MROH2A: variants seen among roughly 807,000 people sequenced by gnomAD.
MROH2A encodes maestro heat like repeat family member 2A, also known as maestro heat-like repeat-containing protein family member 2A.
MROH2A carries 174 observed loss-of-function variants against 200.4 expected under a neutral mutation model. The observed-to-expected ratio is 0.87, with a 90% confidence interval of 0.77 to 0.98. The LOEUF is 0.98. Ranked by LOEUF, MROH2A falls within the 50% of genes least tolerant of loss-of-function variation. The probability of loss-of-function intolerance (pLI) is 0.00; values close to 1 mark genes in which losing one functional copy is unlikely to be tolerated. For missense variants in MROH2A, 2,045 were observed against 2,139.6 expected, an observed-to-expected ratio of 0.96 and a Z score of 0.87; for synonymous variants, 829 against 840.4, an observed-to-expected ratio of 0.99 and a Z score of 0.23.
chr2:233,800,002 C>T lies in MROH2A; in HGVS notation c.1449+103C>T, dbSNP rs112734239. The T allele has an allele frequency of 2.4e-5, 35 of 1,431,178 alleles. 1 individual carries two copies. The highest frequency in any genetic ancestry group is 1.8e-4 in the African/African-American group (13 of 70,652). 88.7% of individuals were successfully genotyped at this position (1,431,178 alleles called of 1,614,324 possible). A position where few individuals can be genotyped will look rare whatever the true frequency, so the allele number is the denominator to read the frequency against. ...CTCAGCGTACCTGTGTTCAAACCTG[C>T]GTATCCATTCATGACAGGAGTTCAT... On this transcript the variant is annotated intron_variant, in intron 13 of 41. Transcript: ENST00000389758.
In MROH2A at chr2:233,818,066, C is replaced by A. The variant is rs541006233; in HGVS notation, c.3026C>A (p.Ala1009Asp). The A allele has an allele frequency of 4.8e-5, 75 of 1,550,998 alleles. No individual in the cohort carries two copies. In the African/African-American group the frequency reaches 9.3e-4, roughly 19 times the overall value. The change falls in exon 28 of 42, where the codon GCC (alanine) becomes GAC (aspartate). Residue 1009 changes from alanine (A) to aspartate (D), a missense_variant. Around this residue, in one of 3 missense-constraint regions of MROH2A, gnomAD observed 1,201 missense variants for 1,311.3 expected, o/e 0.92. Transcript: ENST00000389758. ...CTCATTGCCCCGTGCACCTGTGATG[C>A]CCATCAAAGAACCCGCATGGCCTCA... The part of the protein sequence containing the change: ...VGLIAPCTCD[A>D]HQRTRMASMN...
rs1194394000 is a variant in MROH2A, at chr2:233,802,181, G to A, written c.1574G>A (p.Arg525Lys). Residue 525 changes from arginine (R) to lysine (K), a missense_variant, in exon 15 of 42, where the codon AGG (arginine) becomes AAG (lysine). This residue lies in a region of MROH2A where 831 missense variants were observed against 800.0 expected (regional missense o/e 1.04). Coordinates refer to ENST00000389758, the MANE Select transcript of MROH2A (RefSeq NM_001394639.1). ...VSGMTTEFWV[R>K]LLCYIMETDY... ...CCCCTACCCCAGGAGTTTTGGGTGA[G>A]GCTGCTGTGCTACATCATGGAGACA... 7.1e-6 allele frequency: 11 copies of A among 1,549,128 alleles called. No homozygotes were observed. Among genetic ancestry groups the A allele is most frequent in the Non-Finnish European group, 9.6e-6 (11 of 1,146,116 alleles).
At chr2:233,798,173 C>T (rs942718010) in intron 11 of MROH2A, among the ~76,000 whole-genome samples, 2 of 152,204 alleles carry the variant, frequency 1.3e-5, no homozygotes, top group Admixed American at 1.3e-4. Flanking sequence ...TCTTGCCCCT[C>T]TTAAGCTTCC....
chr2:233,798,830 A>G lies in MROH2A; in HGVS notation c.1309A>G (p.Ile437Val), dbSNP rs568433675. The change falls in exon 12 of 42, where the codon ATC becomes GTC. Residue 437 changes from isoleucine to valine, a missense_variant. Transcript: ENST00000389758. ...GGCTATCCGGGTAGTCAAGAACACC[A>G]TCTCTGATACCCGGTCCAAGGTAAC... is the stretch of plus-strand genomic sequence containing the variant. ...YLAIRVVKNT[I>V]SDTRSKVRMA... 6.4e-7 allele frequency: 1 copy of G among 1,550,398 alleles called. No homozygotes were observed. Among genetic ancestry groups the G allele is most frequent in the East Asian group, 2.4e-5 (1 of 40,912 alleles).
chr2:233,807,674 G>A lies in MROH2A; in HGVS notation c.2173-59G>A. ...TGTGTGCCTTGCACGTGTGTGTGTGGGATCCTCCTCTGCCCACTGGCCCCT... is the reference window on the plus strand; with the variant it reads ...TGTGTGCCTTGCACGTGTGTGTGTGAGATCCTCCTCTGCCCACTGGCCCCT... On this transcript the variant is annotated intron_variant, in intron 20 of 41. Transcript: ENST00000389758. This position sits in a 1 kb window ranked among gnomAD's most constrained non-coding sequence, Gnocchi z 4.3. The A allele has an allele frequency of 1.3e-6, 2 of 1,549,184 alleles. No individual in the cohort carries two copies. Among genetic ancestry groups the A allele is most frequent in the Admixed American group, 2.0e-5 (1 of 50,970 alleles).
In MROH2A at chr2:233,819,835, C is replaced by A. The variant is rs1703813823; in HGVS notation, c.3358-67C>A. On this transcript the variant is annotated intron_variant, in intron 30 of 41. Coordinates refer to ENST00000389758, the MANE Select transcript of MROH2A (RefSeq NM_001394639.1). The stretch of plus-strand genomic sequence containing the variant: ...CAGAGCCCTTAGAGCAGGGGCATGT[C>A]ATGGGGTTAGTGCAGGAGGCCATAG... The A allele has an allele frequency of 7.9e-5, 113 of 1,430,888 alleles. No individual in the cohort carries two copies. The South Asian group carries it at 1.7e-3, about 21-fold the overall frequency. The allele number at this position is 1,430,888 out of a possible 1,614,324, so 88.6% of individuals were successfully genotyped here.
At chr2:233,789,774 A>T in intron 4 of MROH2A, 78 bp from the exon 5 acceptor site, 1 of 1,493,602 alleles carries the variant, frequency 6.7e-7, no homozygotes, top group Non-Finnish European at 9.0e-7. Flanking sequence ...GGAGGGGTGG[A>T]GAGAGCCTGG....
At chr2:233,803,222 A>G (rs1021044347) in intron 15 of MROH2A, among the ~76,000 whole-genome samples, 2 of 152,246 alleles carry the variant, frequency 1.3e-5, no homozygotes, top group African/African-American at 4.8e-5. Context: ...AGCATCTTCT[A>G]AACCTCAACC....
At position 233,790,232 on chromosome 2, in the gene MROH2A, T is replaced by C. The variant is rs575986073; in HGVS notation, c.571+218T>C. 1.3e-4 allele frequency among the ~76,000 whole-genome samples: 20 copies of C among 152,034 alleles called. No homozygotes were observed. In the East Asian group the frequency reaches 3.5e-3, roughly 26 times the overall value. ...TCTCATCCTTCTTCCCCCTCTCTCC[T>C]GCTCCCCTCCACCTGCATTGTTCTG... On this transcript the variant is annotated intron_variant, in intron 5 of 41. Transcript: ENST00000389758.
Position 233,833,416 on chromosome 2 carries a change from G to A in MROH2A, c.*157G>A. On this transcript the variant is annotated 3_prime_UTR_variant, in exon 42 of 42. Coordinates refer to ENST00000389758, the MANE Select transcript of MROH2A (RefSeq NM_001394639.1). ...GTTGAAATAAACCTCCACTGTCGTT[G>A]GAGTAGACTTGTGACTGTAAGGTGG... 2 of 844,228 alleles carry A rather than the reference G, an allele frequency of 2.4e-6. No individual in the cohort carries two copies. The highest frequency in any genetic ancestry group is 3.1e-5 in the East Asian group (1 of 32,472). The allele number at this position is 844,228 out of a possible 1,614,324, so 52.3% of individuals were successfully genotyped here.
At chr2:233,831,630 G>A in intron 39 of MROH2A, 90 bp downstream of exon 39, 1 of 1,405,714 alleles carries the variant, frequency 7.1e-7, no homozygotes, top group Non-Finnish European at 9.6e-7. Flanking sequence ...GCTCTTTCTT[G>A]GGGCCCTATG....
rs888733493 is a variant in MROH2A at position 233,828,706 on chromosome 2, A to G, written c.4190A>G (p.Gln1397Arg). 1.3e-6 allele frequency: 2 copies of G among 1,550,576 alleles called. No homozygotes were observed. Among genetic ancestry groups the G allele is most frequent in the Admixed American group, 2.0e-5 (1 of 50,982 alleles). Residue 1397 changes from glutamine to arginine, a missense_variant, in exon 36 of 42, where the codon CAG (glutamine) becomes CGG (arginine). This residue lies in a region of MROH2A where 1,201 missense variants were observed against 1,311.3 expected (regional missense o/e 0.92). Coordinates refer to ENST00000389758, the MANE Select transcript of MROH2A (RefSeq NM_001394639.1). This position sits in a 1 kb window ranked among gnomAD's most constrained non-coding sequence, Gnocchi z 4.6. The stretch of plus-strand genomic sequence containing the variant: ...TTGCTGCTGGAGAAGGGTGCCGACC[A>G]GGAGGAAGACGAGGCCCTGCGGGTG... Reference protein sequence around the residue: ...AALLLEKGADQEEDEALRVLS... With the variant: ...AALLLEKGADREEDEALRVLS...
chr2:233,795,210 T>C (rs1429782844), intron 8 of MROH2A, among the ~76,000 whole-genome samples: 1 of 152,214 alleles, frequency 6.6e-6, no homozygotes, highest in Non-Finnish European at 1.5e-5. Context: ...ATGTGTGAGA[T>C]GGAGCCGTTG....
chr2:233,797,434 A>G (rs527365070), intron 11 of MROH2A, among the ~76,000 whole-genome samples: 7 of 152,202 alleles, frequency 4.6e-5, no homozygotes, highest in Non-Finnish European at 8.8e-5. Flanking sequence ...GGAATAAACA[A>G]TATATCTGCA....
rs1348403582 is a variant in MROH2A at position 233,798,681 on chromosome 2, GA to G, written c.1253-92del. ...GTGCCCCTGAGCTTGGAGAATGTGG[GA>G]GGAGACAGAACGTGAGGCCCTGATG... On this transcript the variant is annotated intron_variant, in intron 11 of 41. Coordinates refer to ENST00000389758, the MANE Select transcript of MROH2A (RefSeq NM_001394639.1). 3 of 858,216 alleles carry G rather than the reference GA, an allele frequency of 3.5e-6. No homozygotes were observed. The African/African-American group carries it at 5.0e-5, about 14-fold the overall frequency. The allele number at this position is 858,216 out of a possible 1,614,324, so 53.2% of individuals were successfully genotyped here.
At chr2:233,822,831 C>T (rs1218901966) in intron 33 of MROH2A, 50 bp from the exon 34 acceptor site, 2 of 1,541,648 alleles carry the variant, frequency 1.3e-6, no homozygotes, top group Non-Finnish European at 1.8e-6. Context: ...CCTCCCCAGG[C>T]CATGCGCTCC....
chr2:233,829,969 G>A (rs1055560474), intron 38 of MROH2A, among the ~76,000 whole-genome samples, 194 bp downstream of exon 38: 3 of 152,134 alleles, frequency 2.0e-5, no homozygotes, highest in African/African-American at 7.2e-5. Context: ...GAGGCCATCC[G>A]AGATGACCTG....
rs772814206 is a variant in MROH2A, at chr2:233,788,137, A to G, written c.277-1360A>G. Among the ~76,000 whole-genome samples, 13 of 108,766 alleles carry G rather than the reference A, an allele frequency of 1.2e-4. 1 individual carries two copies. The highest frequency in any genetic ancestry group is 1.9e-4 in the Non-Finnish European group (11 of 57,114). 71.4% of individuals were successfully genotyped at this position (108,766 alleles called of 152,430 possible). A position where few individuals can be genotyped will look rare whatever the true frequency, so the allele number is the denominator to read the frequency against. On this transcript the variant is annotated intron_variant, in intron 3 of 41. Coordinates refer to ENST00000389758, the MANE Select transcript of MROH2A (RefSeq NM_001394639.1). ...TATTATATATACATATATATTTTAT[A>G]TATATATAATATATATTTTATATAT... is the stretch of plus-strand genomic sequence containing the variant.
chr2:233,832,394 GA>G, intron 40 of MROH2A, 115 bp downstream of exon 40: 1 of 1,020,554 alleles, frequency 9.8e-7, no homozygotes, highest in South Asian at 1.5e-5. Context: ...GCTGAGACCA[GA>G]GCTCAGGTCT....
Sources: allele counts gnomAD v4.1 joint callset (sites outside exome capture counted in the v4.1 genomes callset), GRCh38; gene constraint gnomAD v4.1.1; regional missense constraint gnomAD v4.1.1; non-coding constraint Gnocchi (gnomAD v3.1); transcripts MANE v1.5; gene names NCBI Gene and HGNC (gene_info 2026-07-23, HGNC 2026-07-21).